The following GSE1 variants were observed in gnomAD, a reference collection of about 807,000 sequenced individuals.
The protein encoded by GSE1 is Gse1 coiled-coil protein, also known as genetic suppressor element 1.
Under a neutral mutation model 112.6 loss-of-function variants are expected in GSE1, and 32 were observed. The observed-to-expected ratio is 0.28, with a 90% CI of 0.21 to 0.38. GSE1 has a LOEUF of 0.38. Ranked by LOEUF, GSE1 falls within the 10% of genes least tolerant of loss-of-function variation. GSE1 has a pLI of 1.00. For missense variants in GSE1, 2,348 were observed against 1,699.2 expected, an observed-to-expected ratio of 1.38 and a Z score of -6.71; for synonymous variants, 1,115 against 735.6, an observed-to-expected ratio of 1.52 and a Z score of -8.35.
At chr16:85,402,567 T>G (rs1326751394) in intron 2 of GSE1, among the ~76,000 whole-genome samples, 2 of 152,158 alleles carry the variant, frequency 1.3e-5, no homozygotes, top group Non-Finnish European at 2.9e-5. Context: ...AGGGCGGCAC[T>G]TTGAAGAGAG....
intron 1 of GSE1, among the ~76,000 whole-genome samples, chr16:85,566,465 G>A (rs574178121): frequency 9.8e-5 from 15 of 152,372 alleles, no homozygotes; most frequent in African/African-American, 2.9e-4. Flanking sequence ...GCCGAACTGG[G>A]TGAACCCTGG....
intron 2 of GSE1, among the ~76,000 whole-genome samples, chr16:85,533,790 G>A (rs185741863): frequency 4.5e-4 from 68 of 152,192 alleles, no homozygotes; most frequent in African/African-American, 1.6e-3. Flanking sequence ...GCTTGAGCCC[G>A]GGAGGTGGAG....
At chr16:85,209,098 C>T (rs974895233) in intron 1 of GSE1, among the ~76,000 whole-genome samples, 7 of 150,322 alleles carry the variant, frequency 4.7e-5, no homozygotes, top group African/African-American at 1.5e-4. Flanking sequence ...GGGTCTGCCG[C>T]GTGATGGGGT....
At chr16:85,362,112 C>T (rs2047095022) in intron 2 of GSE1, among the ~76,000 whole-genome samples, 1 of 152,166 alleles carries the variant, frequency 6.6e-6, no homozygotes. Context: ...ATGAGGAACC[C>T]TGGGGCTGGG....
At chr16:85,319,994 C>G (rs985784921) in intron 1 of GSE1, among the ~76,000 whole-genome samples, 1 of 152,218 alleles carries the variant, frequency 6.6e-6, no homozygotes, top group Non-Finnish European at 1.5e-5. Context: ...CCAGCCGGTT[C>G]GCTTCTCCTT....
At chr16:85,524,786 G>C (rs1489351262) in intron 2 of GSE1, among the ~76,000 whole-genome samples, 1 of 152,158 alleles carries the variant, frequency 6.6e-6, no homozygotes, top group Non-Finnish European at 1.5e-5. Flanking sequence ...CGTATGGGTG[G>C]GAGGTAGGGG....
chr16:85,218,604 C>T (rs2075341794), intron 1 of GSE1, among the ~76,000 whole-genome samples: 1 of 152,202 alleles, frequency 6.6e-6, no homozygotes, highest in Non-Finnish European at 1.5e-5. Flanking sequence ...CTGCTTTCTG[C>T]CTCTAGGCCT....
chr16:85,233,658 G>C (rs1043787828), intron 1 of GSE1, among the ~76,000 whole-genome samples: 2 of 152,116 alleles, frequency 1.3e-5, no homozygotes, highest in Non-Finnish European at 2.9e-5. Flanking sequence ...GGGGGTGTGC[G>C]TGTGGATGGG....
chr16:85,297,274 C>G (rs554215135), intron 1 of GSE1, among the ~76,000 whole-genome samples: 39 of 152,104 alleles, frequency 2.6e-4, no homozygotes, highest in Non-Finnish European at 5.4e-4. Context: ...TTGGGGCTCA[C>G]AGGGCCAGAG....
intron 1 of GSE1, among the ~76,000 whole-genome samples, chr16:85,268,505 C>G (rs1908494374): frequency 1.3e-5 from 2 of 152,058 alleles, no homozygotes; most frequent in South Asian, 4.1e-4. Context: ...GGTTGCCAGT[C>G]AGGGGTGCTG....
chr16:85,246,404 T>TACAC (rs111501333), intron 1 of GSE1, among the ~76,000 whole-genome samples: 1 of 55,312 alleles, frequency 1.8e-5, no homozygotes, highest in African/African-American at 7.4e-5. Context: ...ACACGCTGTC[T>TACAC]ACACACACAC....
intron 2 of GSE1, among the ~76,000 whole-genome samples, chr16:85,478,984 C>T (rs376255096): frequency 5.8e-3 from 380 of 65,940 alleles, no homozygotes; most frequent in Middle Eastern, 8.6e-3. Flanking sequence ...TCCTTCCTTC[C>T]TTCCTTCCTT....
chr16:85,604,297 G>A (rs2047589674), intron 1 of GSE1, among the ~76,000 whole-genome samples: 2 of 152,144 alleles, frequency 1.3e-5, no homozygotes, highest in Non-Finnish European at 2.9e-5. Flanking sequence ...CCAGCATCGT[G>A]TCTTCAAGGT....
intron 1 of GSE1, among the ~76,000 whole-genome samples, chr16:85,263,211 C>T (rs965820138): frequency 2.6e-5 from 4 of 152,048 alleles, no homozygotes; most frequent in Non-Finnish European, 5.9e-5. Context: ...AGATCATCAT[C>T]ATCATGATGT....
intron 2 of GSE1, among the ~76,000 whole-genome samples, chr16:85,527,449 A>T (rs1212502460): frequency 2.0e-5 from 3 of 152,268 alleles, no homozygotes; most frequent in Non-Finnish European, 4.4e-5. Flanking sequence ...GGTTGAGGAC[A>T]AAGGCCACAT....
At chr16:85,203,000 C>T (rs2075056231) in intron 1 of GSE1, among the ~76,000 whole-genome samples, 1 of 151,334 alleles carries the variant, frequency 6.6e-6, no homozygotes, top group African/African-American at 2.4e-5. Context: ...CCTTCTCCCC[C>T]TCCTCCTTGG....
chr16:85,558,946 C>T (rs2045382844), intron 1 of GSE1, among the ~76,000 whole-genome samples: 1 of 151,412 alleles, frequency 6.6e-6, no homozygotes, highest in African/African-American at 2.4e-5. Flanking sequence ...CAACCTCCAC[C>T]TTCCAGGTTC....
chr16:85,211,869 C>G (rs928190709), intron 1 of GSE1, among the ~76,000 whole-genome samples: 45 of 152,250 alleles, frequency 3.0e-4, no homozygotes, highest in African/African-American at 1.0e-3. Flanking sequence ...CAGCAGGGCT[C>G]TCTTCCTGAA....
chr16:85,497,771 G>A (rs2051228833), intron 2 of GSE1, among the ~76,000 whole-genome samples: 1 of 152,148 alleles, frequency 6.6e-6, no homozygotes, highest in East Asian at 1.9e-4. Flanking sequence ...CTGGGACTGG[G>A]GAACCCGGGG....
Sources: allele counts gnomAD v4.1 joint callset (sites outside exome capture counted in the v4.1 genomes callset), GRCh38; gene constraint gnomAD v4.1.1; transcripts MANE v1.5; gene names NCBI Gene and HGNC (gene_info 2026-07-23, HGNC 2026-07-21).